Variants in CSRNP3 observed in about 807,000 individuals in gnomAD.
CSRNP3 encodes the protein cysteine and serine rich nuclear protein 3.
Under a neutral mutation model 48.0 loss-of-function variants are expected in CSRNP3, and 12 were observed. The ratio of observed to expected loss-of-function variants is 0.25; its 90% CI spans 0.16 to 0.41. The LOEUF is 0.41. Among genes scored for constraint, CSRNP3 ranks in the 10% least tolerant of loss-of-function variants. CSRNP3 has a pLI of 1.00. For synonymous variants in CSRNP3, 263 were observed against 269.7 expected (o/e 0.98, Z 0.24); for missense variants, 580 against 724.4 (o/e 0.80, Z 2.29).
At chr2:165,558,816 A>G (rs1298655260) in intron 3 of CSRNP3, among the ~76,000 whole-genome samples, 1 of 152,226 alleles carries the variant, frequency 6.6e-6, no homozygotes, top group Non-Finnish European at 1.5e-5. Context: ...AATGTTCTTT[A>G]GTTCCCACAA....
chr2:165,651,108 T>C (rs890140297), intron 4 of CSRNP3, among the ~76,000 whole-genome samples: 3 of 152,192 alleles, frequency 2.0e-5, no homozygotes, highest in Non-Finnish European at 4.4e-5. Context: ...TGTGGTGGAA[T>C]TGGTAGTCCA....
At chr2:165,616,318 T>C (rs1036973035) in intron 4 of CSRNP3, among the ~76,000 whole-genome samples, 1 of 152,210 alleles carries the variant, frequency 6.6e-6, no homozygotes, top group Non-Finnish European at 1.5e-5. Context: ...ATTTAATTTG[T>C]TTCTCATTTG....
At chr2:165,497,984 A>G (rs1173915084) in intron 2 of CSRNP3, among the ~76,000 whole-genome samples, 3 of 152,060 alleles carry the variant, frequency 2.0e-5, no homozygotes, top group Admixed American at 2.0e-4. Context: ...TTGTGGCTTT[A>G]GGGCAGTGCT....
chr2:165,527,131 T>G (rs1490281926), intron 3 of CSRNP3, among the ~76,000 whole-genome samples: 4 of 151,750 alleles, frequency 2.6e-5, no homozygotes, highest in Non-Finnish European at 4.4e-5. Flanking sequence ...TAGGGAGCTA[T>G]CTGAAATATA....
chr2:165,486,112 G>T (rs1182172386), intron 1 of CSRNP3, among the ~76,000 whole-genome samples: 1 of 152,214 alleles, frequency 6.6e-6, no homozygotes, highest in Non-Finnish European at 1.5e-5. Context: ...CCGAAGCAGG[G>T]CGAGGCATTG....
chr2:165,677,583 T>TTA (rs1687447650), intron 6 of CSRNP3, among the ~76,000 whole-genome samples: 1 of 144,692 alleles, frequency 6.9e-6, no homozygotes, highest in South Asian at 2.2e-4. Flanking sequence ...GATTCATGAG[T>TTA]AAAAAAAAAA....
chr2:165,608,994 C>A (rs924291898), intron 4 of CSRNP3, among the ~76,000 whole-genome samples: 15 of 147,234 alleles, frequency 1.0e-4, no homozygotes, highest in African/African-American at 3.0e-4. Context: ...GTAGTCCCAG[C>A]TACTTAGGAG....
chr2:165,666,078 GAGA>G (rs1687189407), intron 5 of CSRNP3, among the ~76,000 whole-genome samples: 1 of 109,268 alleles, frequency 9.2e-6, no homozygotes, highest in Non-Finnish European at 2.0e-5. Context: ...AAGAGAGAGA[GAGA>G]AAGGAAGGAA....
chr2:165,637,283 A>G (rs1686643784), intron 4 of CSRNP3, among the ~76,000 whole-genome samples: 1 of 152,220 alleles, frequency 6.6e-6, no homozygotes, highest in African/African-American at 2.4e-5. Flanking sequence ...CGTGAATCCA[A>G]AAGCAAGAAT....
At chr2:165,527,199 CTTTTTTTTT>C (rs535826285) in intron 3 of CSRNP3, among the ~76,000 whole-genome samples, 9 of 87,296 alleles carry the variant, frequency 1.0e-4, no homozygotes, top group African/African-American at 3.7e-4. Flanking sequence ...GCTGTTTGTA[CTTTTTTTTT>C]TTTTTTTTTT....
intron 3 of CSRNP3, among the ~76,000 whole-genome samples, chr2:165,518,809 T>C (rs1684613535): frequency 6.6e-6 from 1 of 152,044 alleles, no homozygotes; most frequent in South Asian, 2.1e-4. Context: ...GGTTTATTCA[T>C]TTATTTAGGA....
chr2:165,513,533 T>C (rs2105228715), intron 2 of CSRNP3, among the ~76,000 whole-genome samples: 1 of 152,344 alleles, frequency 6.6e-6, no homozygotes, highest in East Asian at 1.9e-4. Context: ...GATGACAGCC[T>C]TTCAAACAAG....
chr2:165,499,032 CT>C (rs765019226), intron 2 of CSRNP3, among the ~76,000 whole-genome samples: 2 of 152,178 alleles, frequency 1.3e-5, no homozygotes, highest in South Asian at 2.1e-4. Context: ...TTATAAACCT[CT>C]TGTTAGAGAA....
intron 1 of CSRNP3, among the ~76,000 whole-genome samples, chr2:165,485,748 A>C (rs989433626): frequency 3.9e-5 from 6 of 152,232 alleles, no homozygotes; most frequent in Non-Finnish European, 8.8e-5. Flanking sequence ...CACCATCTAC[A>C]TATTGCCTTT....
chr2:165,505,657 G>T (rs1386708029), intron 2 of CSRNP3, among the ~76,000 whole-genome samples: 1 of 152,018 alleles, frequency 6.6e-6, no homozygotes, highest in Non-Finnish European at 1.5e-5. Context: ...TATCTTAAAA[G>T]GCTGCGAGGA....
At chr2:165,586,002 G>A (rs1006986531) in intron 3 of CSRNP3, among the ~76,000 whole-genome samples, 3 of 152,162 alleles carry the variant, frequency 2.0e-5, no homozygotes, top group Non-Finnish European at 2.9e-5. Flanking sequence ...AGGATCCTAC[G>A]GATCAGATGA....
At chr2:165,478,270 A>C (rs995514776) in intron 1 of CSRNP3, among the ~76,000 whole-genome samples, 1 of 152,218 alleles carries the variant, frequency 6.6e-6, no homozygotes, top group Non-Finnish European at 1.5e-5. Flanking sequence ...TACAATTTTC[A>C]AACTATAAAA....
intron 4 of CSRNP3, among the ~76,000 whole-genome samples, chr2:165,630,314 T>G (rs147281005): frequency 1.6e-4 from 25 of 152,364 alleles, no homozygotes; most frequent in African/African-American, 5.8e-4. Flanking sequence ...CCATTTTTAT[T>G]TCTTGTATAC....
chr2:165,515,021 G>A (rs1027617870), intron 2 of CSRNP3, among the ~76,000 whole-genome samples: 1 of 152,058 alleles, frequency 6.6e-6, no homozygotes, highest in African/African-American at 2.4e-5. Context: ...TAAATTATAG[G>A]TTAGTTATAG....
Sources: allele counts gnomAD v4.1 joint callset (sites outside exome capture counted in the v4.1 genomes callset), GRCh38; gene constraint gnomAD v4.1.1; transcripts MANE v1.5; gene names NCBI Gene and HGNC (gene_info 2026-07-23, HGNC 2026-07-21).